SASH1: variants seen among roughly 807,000 people sequenced by gnomAD.
SASH1 encodes SAM and SH3 domain-containing protein 1.
Under a neutral mutation model 125.2 loss-of-function variants are expected in SASH1, and 44 were observed. That is an observed-to-expected ratio of 0.35 (90% CI 0.28 to 0.45). SASH1 has a LOEUF of 0.45. Ranked by LOEUF, SASH1 falls within the 20% of genes least tolerant of loss-of-function variation. The probability of loss-of-function intolerance (pLI) is 1.00; values close to 1 mark genes in which losing one functional copy is unlikely to be tolerated. For missense variants in SASH1, 1,426 were observed against 1,614.5 expected (o/e 0.88, Z 2.00); for synonymous variants, 639 against 649.1 (o/e 0.98, Z 0.24).
At chr6:148,253,225 T>C in the SASH1 span, among the ~76,000 whole-genome samples, 1 of 152,208 alleles carries the variant, frequency 6.6e-6, no homozygotes, top group Non-Finnish European at 1.5e-5. Flanking sequence ...ACAACAGATA[T>C]ATAGATCAGT....
At chr6:148,285,400 A>G (rs528325977) in intron 1 of SASH1, among the ~76,000 whole-genome samples, 2 of 152,358 alleles carry the variant, frequency 1.3e-5, no homozygotes, top group African/African-American at 4.8e-5. Context: ...ATAAGCATCT[A>G]GCATCCTCCA....
intron 11 of SASH1, among the ~76,000 whole-genome samples, chr6:148,526,819 A>G (rs966005217): frequency 1.3e-5 from 2 of 150,338 alleles, no homozygotes; most frequent in African/African-American, 4.9e-5. Flanking sequence ...TTATCCCTCT[A>G]TTCTCCCCCA....
intron 1 of SASH1, among the ~76,000 whole-genome samples, chr6:148,331,632 A>T (rs1582975394): frequency 6.6e-6 from 1 of 152,020 alleles, no homozygotes; most frequent in East Asian, 1.9e-4. Flanking sequence ...CCCAGCCAGA[A>T]CTTGGTCTTT....
chr6:148,548,164 T>G, intron 19 of SASH1, 131 bp from the exon 20 acceptor site: 1 of 783,982 alleles, frequency 1.3e-6, no homozygotes, highest in Non-Finnish European at 2.0e-6. Context: ...TCTCTGACAC[T>G]CATTGCATTG....
At chr6:148,340,961 T>A (rs1460701375), upstream of SASH1, among the ~76,000 whole-genome samples, 3 of 152,004 alleles carry the variant, frequency 2.0e-5, no homozygotes, top group Non-Finnish European at 4.4e-5. Context: ...CAGCAAGAGA[T>A]CATGTCTCTA....
At chr6:148,534,729 G>C in intron 15 of SASH1, 22 bp from the exon 16 acceptor site, 1 of 1,614,022 alleles carries the variant, frequency 6.2e-7, no homozygotes, top group South Asian at 1.1e-5. Flanking sequence ...ACACCCTTCT[G>C]TCTTCCTTCT....
At chr6:148,407,669 G>A (rs931126739) in intron 2 of SASH1, among the ~76,000 whole-genome samples, 1 of 152,138 alleles carries the variant, frequency 6.6e-6, no homozygotes, top group African/African-American at 2.4e-5. Flanking sequence ...GTCTTGCTCT[G>A]TCACTCCGGC....
chr6:148,544,893 C>T lies in SASH1; in HGVS notation c.3348+75C>T. The stretch of plus-strand genomic sequence containing the variant: ...GTCAGGCAGCCAGGTGAGATGAACC[C>T]ACATCTGAAGCCAGCCCGGTAGCCC... On this transcript the variant is annotated intron_variant, in intron 18 of 19. Coordinates refer to ENST00000367467, the MANE Select transcript of SASH1 (RefSeq NM_015278.5). The surrounding 1 kb of genome is among the most constrained non-coding windows in gnomAD (Gnocchi z 6.4). The T allele has an allele frequency of 7.0e-7, 1 of 1,436,144 alleles. No homozygotes were observed. The highest frequency in any genetic ancestry group is 9.3e-7 in the Non-Finnish European group (1 of 1,078,878). The allele number at this position is 1,436,144 out of a possible 1,614,324, so 89.0% of individuals were successfully genotyped here.
At chr6:148,233,742 C>CAAAAAAAAA in the SASH1 span, among the ~76,000 whole-genome samples, 359 of 60,476 alleles carry the variant, frequency 5.9e-3, 44 homozygotes, top group East Asian at 0.099. Flanking sequence ...TTCCTCTCTA[C>CAAAAAAAAA]AAAAAAAAAA....
chr6:148,335,066 G>A (rs746951658), intron 1 of SASH1, among the ~76,000 whole-genome samples: 2 of 151,846 alleles, frequency 1.3e-5, no homozygotes, highest in Non-Finnish European at 2.9e-5. Flanking sequence ...GGGAGGCCGA[G>A]GCAGGTGGAT....
intron 1 of SASH1, among the ~76,000 whole-genome samples, chr6:148,323,389 C>T (rs1198831912): frequency 6.6e-6 from 1 of 152,174 alleles, no homozygotes; most frequent in African/African-American, 2.4e-5. Flanking sequence ...CTAGCTAGGG[C>T]CTGGACACCT....
At chr6:148,377,502 T>C (rs1782961278) in intron 1 of SASH1, among the ~76,000 whole-genome samples, 1 of 152,254 alleles carries the variant, frequency 6.6e-6, no homozygotes, top group Non-Finnish European at 1.5e-5. Context: ...GGAAGATCTT[T>C]GACTCTCAAC....
At chr6:148,375,620 A>G (rs1308984966) in intron 1 of SASH1, among the ~76,000 whole-genome samples, 1 of 152,210 alleles carries the variant, frequency 6.6e-6, no homozygotes, top group Non-Finnish European at 1.5e-5. Flanking sequence ...TTAGGAAATA[A>G]CTTTTCTTCC....
the SASH1 span, among the ~76,000 whole-genome samples, chr6:148,199,194 C>G: frequency 2.6e-4 from 40 of 152,054 alleles, no homozygotes; most frequent in Non-Finnish European, 4.7e-4. Flanking sequence ...CCAGCTTGGC[C>G]AACATGGCAA....
At chr6:148,467,934 CA>C (rs201097084) in intron 4 of SASH1, among the ~76,000 whole-genome samples, 61 of 149,672 alleles carry the variant, frequency 4.1e-4, no homozygotes, top group Non-Finnish European at 5.2e-4. Context: ...AAGACTGTCT[CA>C]AAAAAAAAAA....
Position 148,543,784 on chromosome 6 carries a change from A to G in SASH1, c.2314A>G (p.Met772Val), listed in dbSNP as rs1166277712. ...GGGCAATTACCCAACATTGCCTTTA[A>G]TGAAATCAGGGGATGCACTGAAGCA... ...QLGNYPTLPL[M>V]KSGDALKQGQ... The change falls in exon 18 of 20, where the codon ATG (methionine) becomes GTG (valine). Residue 772 changes from methionine (M) to valine (V), a missense_variant. Met to Val is a conservative substitution (Grantham distance 21). Transcript: ENST00000367467. 6.2e-7 allele frequency: 1 copy of G among 1,613,848 alleles called. No individual in the cohort carries two copies. Among genetic ancestry groups the G allele is most frequent in the African/African-American group, 1.3e-5 (1 of 74,902 alleles).
At chr6:148,387,348 G>A (rs1161335892) in intron 1 of SASH1, among the ~76,000 whole-genome samples, 1 of 151,698 alleles carries the variant, frequency 6.6e-6, no homozygotes, top group Non-Finnish European at 1.5e-5. Flanking sequence ...TCGAACTGCT[G>A]ACCTCATGAT....
the SASH1 span, among the ~76,000 whole-genome samples, chr6:148,237,858 C>G: frequency 6.6e-6 from 1 of 152,198 alleles, no homozygotes; most frequent in Non-Finnish European, 1.5e-5. Context: ...TCTCTGGCCT[C>G]CCCCTACCCT....
the SASH1 span, among the ~76,000 whole-genome samples, chr6:148,235,620 T>C: frequency 6.6e-6 from 1 of 152,192 alleles, no homozygotes; most frequent in Non-Finnish European, 1.5e-5. Context: ...CTTACACATA[T>C]ATTTTGATGA....
Sources: gnomAD v4.1 joint callset for allele counts (sites outside exome capture counted in the v4.1 genomes callset) on GRCh38, gnomAD v4.1.1 for gene constraint, Gnocchi (gnomAD v3.1) non-coding constraint, MANE v1.5 for transcripts, NCBI Gene and HGNC (gene_info 2026-07-23, HGNC 2026-07-21) for gene names.